ADK: variants seen among roughly 807,000 people sequenced by gnomAD.
ADK encodes the protein adenosine kinase, also known as N6,N6-dimethyladenosine kinase.
Under a neutral mutation model 44.7 loss-of-function variants are expected in ADK, and 24 were observed. The observed-to-expected ratio is 0.54, with a 90% CI of 0.39 to 0.76. The LOEUF is 0.76. ADK is among the 30% of genes least tolerant of loss of function. The pLI is 0.00. For synonymous variants in ADK, 128 were observed against 142.6 expected, an observed-to-expected ratio of 0.90 and a Z score of 0.73; for missense variants, 321 against 425.1, an observed-to-expected ratio of 0.76 and a Z score of 2.15.
intron 8 of ADK, among the ~76,000 whole-genome samples, chr10:74,600,056 GAT>G (rs772782913): frequency 6.6e-6 from 1 of 152,064 alleles, no homozygotes; most frequent in Non-Finnish European, 1.5e-5. Flanking sequence ...ACCTTTCAAA[GAT>G]ATATACTAAA....
At chr10:74,195,707 C>A (rs4746184) in intron 1 of ADK, among the ~76,000 whole-genome samples, 1 of 97,536 alleles carries the variant, frequency 1.0e-5, no homozygotes, top group Non-Finnish European at 1.9e-5. Flanking sequence ...TCTTTTCTTT[C>A]TTTTTTTTTT....
At chr10:74,335,365 G>A (rs1360331415) in intron 4 of ADK, among the ~76,000 whole-genome samples, 1 of 152,116 alleles carries the variant, frequency 6.6e-6, no homozygotes, top group Non-Finnish European at 1.5e-5. Context: ...ATCATGTTGT[G>A]CATAGCCTTT....
At chr10:74,650,738 C>T (rs376857573) in intron 9 of ADK, among the ~76,000 whole-genome samples, 70 of 152,182 alleles carry the variant, frequency 4.6e-4, no homozygotes, top group African/African-American at 1.6e-3. Context: ...GTACTGACAG[C>T]GATATCATGC....
intron 4 of ADK, 43 bp downstream of exon 4, chr10:74,314,788 C>A: frequency 7.4e-7 from 1 of 1,358,540 alleles, no homozygotes; most frequent in Non-Finnish European, 1.1e-6. Flanking sequence ...CAAAATGATT[C>A]TAGACCCATG....
At chr10:74,202,213 T>TA (rs1843423464) in intron 2 of ADK, among the ~76,000 whole-genome samples, 1 of 152,230 alleles carries the variant, frequency 6.6e-6, no homozygotes, top group Admixed American at 6.5e-5. Flanking sequence ...TTTGTGTTTA[T>TA]ATATATGACC....
intron 7 of ADK, among the ~76,000 whole-genome samples, chr10:74,527,372 C>CAA (rs35990549): frequency 4.3e-5 from 6 of 138,678 alleles, no homozygotes; most frequent in African/African-American, 1.3e-4. Flanking sequence ...AACAAACAAA[C>CAA]AAAAAAAAAA....
intron 10 of ADK, among the ~76,000 whole-genome samples, chr10:74,702,034 G>A (rs1341183198): frequency 6.6e-6 from 1 of 152,148 alleles, no homozygotes; most frequent in African/African-American, 2.4e-5. Context: ...CTTGTTTATG[G>A]TAGAATGGTG....
chr10:74,342,796 T>C (rs973743182), intron 4 of ADK, among the ~76,000 whole-genome samples: 1 of 151,934 alleles, frequency 6.6e-6, no homozygotes, highest in Admixed American at 6.6e-5. Context: ...TGTGTGTGTG[T>C]GTGTGTGTGT....
At chr10:74,674,864 A>AGAGT (rs1351632715) in intron 10 of ADK, among the ~76,000 whole-genome samples, 1 of 150,282 alleles carries the variant, frequency 6.7e-6, no homozygotes, top group African/African-American at 2.5e-5. Flanking sequence ...CCTGGGTGAC[A>AGAGT]GAGTGAGACC....
At position 74,320,051 on chromosome 10, in the gene ADK, A is replaced by G. The variant is rs189029386; in HGVS notation, c.273+5306A>G. Reference sequence around the variant, plus strand: ...TTATATTTACTATGTAGCTACTTTTACCAGAGTTCTTTACTTCTTCATATG... The same window carrying G: ...TTATATTTACTATGTAGCTACTTTTGCCAGAGTTCTTTACTTCTTCATATG... On this transcript the variant is annotated intron_variant, in intron 4 of 10. Coordinates refer to ENST00000539909, the MANE Select transcript of ADK (RefSeq NM_006721.4). Among the ~76,000 whole-genome samples the G allele has an allele frequency of 4.0e-4, 61 of 152,298 alleles. No homozygotes were observed. The East Asian group carries it at 0.011, about 26-fold the overall frequency.
intron 4 of ADK, among the ~76,000 whole-genome samples, chr10:74,334,809 T>C (rs145798931): frequency 1.3e-3 from 201 of 152,212 alleles, no homozygotes; most frequent in African/African-American, 4.6e-3. Context: ...GCAAAGCTTT[T>C]ATAGTCTCTG....
intron 6 of ADK, among the ~76,000 whole-genome samples, chr10:74,430,818 G>T (rs1844958235): frequency 6.6e-6 from 1 of 151,858 alleles, no homozygotes; most frequent in African/African-American, 2.4e-5. Context: ...GAGGGAACAA[G>T]CACAGAGGCC....
At chr10:74,470,300 C>G (rs1589142653) in intron 6 of ADK, among the ~76,000 whole-genome samples, 1 of 152,114 alleles carries the variant, frequency 6.6e-6, no homozygotes, top group East Asian at 1.9e-4. Context: ...TCTAGGATTA[C>G]AGGTGTGAGC....
chr10:74,371,893 G>A lies in ADK; in HGVS notation c.274-22248G>A, dbSNP rs568377429. 15 of 1,474,028 alleles carry A rather than the reference G, an allele frequency of 1.0e-5. No individual in the cohort carries two copies. In the East Asian group the frequency reaches 1.6e-4, roughly 16 times the overall value. The allele number at this position is 1,474,028 out of a possible 1,614,324, so 91.3% of individuals were successfully genotyped here. A position where few individuals can be genotyped will look rare whatever the true frequency, so the allele number is the denominator to read the frequency against. ...ATCCAGGCAGCCTTCCAAGAGCCAC[G>A]GCTTCTTGTGGTTACTGACCCCAGG... On this transcript the variant is annotated intron_variant, in intron 4 of 10. Transcript: ENST00000539909.
At chr10:74,183,401 C>T (rs538468232) in intron 1 of ADK, among the ~76,000 whole-genome samples, 63 of 152,282 alleles carry the variant, frequency 4.1e-4, no homozygotes, top group African/African-American at 1.2e-3. Flanking sequence ...GATAAAACCC[C>T]GTCTCTACAA....
At chr10:74,469,071 C>G (rs899533330) in intron 6 of ADK, among the ~76,000 whole-genome samples, 2 of 152,082 alleles carry the variant, frequency 1.3e-5, no homozygotes, top group African/African-American at 4.8e-5. Context: ...TACATGGTGG[C>G]TCACACCTGT....
chr10:74,469,754 C>T (rs1045114680), intron 6 of ADK, among the ~76,000 whole-genome samples: 15 of 152,316 alleles, frequency 9.8e-5, no homozygotes, highest in South Asian at 4.1e-4. Flanking sequence ...CCTTGCAAAA[C>T]GGAAACTCTG....
At chr10:74,442,241 C>A (rs1314740512) in intron 6 of ADK, among the ~76,000 whole-genome samples, 1 of 152,040 alleles carries the variant, frequency 6.6e-6, no homozygotes, top group Non-Finnish European at 1.5e-5. Context: ...AAAAAGGGAT[C>A]CCTTGTTAGC....
At chr10:74,594,168 A>T (rs1851814273) in intron 8 of ADK, among the ~76,000 whole-genome samples, 1 of 148,154 alleles carries the variant, frequency 6.7e-6, no homozygotes, top group South Asian at 2.2e-4. Flanking sequence ...GGGCAACATC[A>T]TACACCGGGG....
Sources: allele counts gnomAD v4.1 joint callset (sites outside exome capture counted in the v4.1 genomes callset), GRCh38; gene constraint gnomAD v4.1.1; transcripts MANE v1.5; gene names NCBI Gene and HGNC (gene_info 2026-07-23, HGNC 2026-07-21).